Variants in MRRF observed in about 807,000 individuals in gnomAD.
The protein encoded by MRRF is mitochondrial ribosome recycling factor.
A neutral mutation model predicts 25.1 loss-of-function variants in MRRF; 18 were observed. The observed-to-expected ratio is 0.72, with a 90% CI of 0.50 to 1.06. The LOEUF is 1.06. Among genes scored for constraint, MRRF ranks in the 50% least tolerant of loss-of-function variants. The probability of loss-of-function intolerance (pLI) is 0.00; values close to 1 mark genes in which losing one functional copy is unlikely to be tolerated. For missense variants in MRRF, 323 were observed against 319.3 expected, an observed-to-expected ratio of 1.01 and a Z score of -0.09; for synonymous variants, 113 against 112.1, an observed-to-expected ratio of 1.01 and a Z score of -0.05.
At chr9:122,305,410 CAAAAAA>C (rs371802454) in intron 5 of MRRF, among the ~76,000 whole-genome samples, 5 of 65,756 alleles carry the variant, frequency 7.6e-5, no homozygotes, top group African/African-American at 2.9e-4. Context: ...AGACTCATCT[CAAAAAA>C]AAAAAAAAAA....
intron 4 of MRRF, chr9:122,285,549 T>C: frequency 2.2e-6 from 1 of 453,460 alleles, no homozygotes; most frequent in East Asian, 5.2e-5. Context: ...ATGCAGTGAT[T>C]GGTGCTTGGC....
intron 5 of MRRF, among the ~76,000 whole-genome samples, chr9:122,292,106 T>C (rs1181923486): frequency 6.6e-6 from 1 of 152,088 alleles, no homozygotes; most frequent in Non-Finnish European, 1.5e-5. Context: ...GTAGGACAAA[T>C]AAATAAAGTC....
At chr9:122,275,632 G>A (rs1832728006) in intron 2 of MRRF, among the ~76,000 whole-genome samples, 1 of 152,018 alleles carries the variant, frequency 6.6e-6, no homozygotes, top group Non-Finnish European at 1.5e-5. Flanking sequence ...GTGAGGCCCT[G>A]TCTAAAATAC....
chr9:122,322,573 C>T lies in MRRF; in HGVS notation c.745C>T (p.Leu249=), dbSNP rs373717918. Residue 249 remains leucine, a synonymous_variant, in exon 7 of 7, where the codon CTG becomes TTG. Coordinates refer to ENST00000344641, the MANE Select transcript of MRRF (RefSeq NM_138777.5). ...AATGGCCGATGACACAGTGGCAGAA[C>T]TGGACAGGCATCTGGCAGTGAAGAC... The part of the protein sequence containing the change: ...SQMADDTVAE[L]DRHLAVKTKE... 3 of 1,614,172 alleles carry T rather than the reference C, an allele frequency of 1.9e-6. No homozygotes were observed. Among genetic ancestry groups the T allele is most frequent in the Non-Finnish European group, 2.5e-6 (3 of 1,180,040 alleles).
At chr9:122,278,819 G>A (rs1832927697) in intron 2 of MRRF, among the ~76,000 whole-genome samples, 1 of 151,804 alleles carries the variant, frequency 6.6e-6, no homozygotes, top group Non-Finnish European at 1.5e-5. Flanking sequence ...GTCACAACAT[G>A]TCTAGGTGTG....
intron 1 of MRRF, among the ~76,000 whole-genome samples, chr9:122,267,069 CAAAA>C (rs755642170): frequency 2.6e-5 from 2 of 77,502 alleles, no homozygotes; most frequent in South Asian, 4.0e-4. Context: ...GACTCCGTCT[CAAAA>C]AAAAAAAAAA....
chr9:122,277,755 T>C (rs1407741470), intron 2 of MRRF, among the ~76,000 whole-genome samples: 1 of 152,204 alleles, frequency 6.6e-6, no homozygotes, highest in Non-Finnish European at 1.5e-5. Context: ...TTTTGCCTTG[T>C]TGGCTAGGCT....
intron 4 of MRRF, chr9:122,285,823 C>T: frequency 7.8e-7 from 1 of 1,282,002 alleles, no homozygotes; most frequent in East Asian, 5.6e-5. Context: ...CCAAATGTGG[C>T]CTGAGGGCCA....
At position 122,329,483 on chromosome 9, in the gene MRRF, G is replaced by A. The variant is rs1836225484; in HGVS notation, c.*6866G>A. The A allele has an allele frequency of 1.3e-5, 2 of 152,088 alleles. No individual in the cohort carries two copies. Among genetic ancestry groups the A allele is most frequent in the Admixed American group, 1.3e-4 (2 of 15,254 alleles). The allele number at this position is 152,088 out of a possible 1,614,324, so 9.4% of individuals were successfully genotyped here. ...GATGCCTCTCCTGATCCCTAAACCTGCCTATGCCTATTAAGCGCTTGGATT... is the reference window on the plus strand; with the variant it reads ...GATGCCTCTCCTGATCCCTAAACCTACCTATGCCTATTAAGCGCTTGGATT... On this transcript the variant is annotated 3_prime_UTR_variant, in exon 7 of 7. Coordinates refer to ENST00000344641, the MANE Select transcript of MRRF (RefSeq NM_138777.5).
At chr9:122,293,636 A>G (rs540180718) in intron 5 of MRRF, among the ~76,000 whole-genome samples, 1 of 152,318 alleles carries the variant, frequency 6.6e-6, no homozygotes, top group African/African-American at 2.4e-5. Flanking sequence ...AAGCAGATAG[A>G]CCTAGGTTCA....
intron 1 of MRRF, among the ~76,000 whole-genome samples, chr9:122,268,371 T>A (rs1332324300): frequency 6.6e-6 from 1 of 152,372 alleles, no homozygotes; most frequent in East Asian, 1.9e-4. Context: ...GAAACCTGTC[T>A]TAAATGGAGC....
intron 4 of MRRF, chr9:122,285,870 C>T (rs1447008177): frequency 1.6e-5 from 21 of 1,284,242 alleles, no homozygotes; most frequent in Non-Finnish European, 2.0e-5. Context: ...TTGGAGCAGA[C>T]CCTCCAGGAA....
intron 4 of MRRF, among the ~76,000 whole-genome samples, chr9:122,289,332 G>C (rs567349299): frequency 1.3e-5 from 2 of 152,138 alleles, no homozygotes; most frequent in Non-Finnish European, 2.9e-5. Context: ...CATGTACCTG[G>C]CACTCTAACT....
At chr9:122,268,893 C>T (rs1422936819) in intron 1 of MRRF, among the ~76,000 whole-genome samples, 2 of 152,090 alleles carry the variant, frequency 1.3e-5, no homozygotes, top group African/African-American at 2.4e-5. Context: ...AGGCCGGGTG[C>T]GGTGGCTCAC....
rs1836174400 is a variant in MRRF, at chr9:122,327,517, G to A, written c.*4900G>A. On this transcript the variant is annotated 3_prime_UTR_variant, in exon 7 of 7. Coordinates refer to ENST00000344641, the MANE Select transcript of MRRF (RefSeq NM_138777.5). ...ATTTTGGGGGTACAAATTTTGATAT[G>A]TATGCAGGAAATGTAGCTTATAGAG... 1 of 152,172 alleles carries A rather than the reference G, an allele frequency of 6.6e-6. No individual in the cohort carries two copies. Among genetic ancestry groups the A allele is most frequent in the Non-Finnish European group, 1.5e-5 (1 of 68,014 alleles). The allele number at this position is 152,172 out of a possible 1,614,324, so 9.4% of individuals were successfully genotyped here.
intron 4 of MRRF, chr9:122,285,969 A>G (rs1485265011): frequency 1.6e-5 from 21 of 1,303,886 alleles, no homozygotes; most frequent in South Asian, 2.5e-5. Flanking sequence ...AGGTCATTGC[A>G]TCTTTGAAGC....
At chr9:122,316,821 T>TA (rs71508157) in intron 6 of MRRF, among the ~76,000 whole-genome samples, 3,527 of 137,936 alleles carry the variant, frequency 0.026, 58 homozygotes, top group Non-Finnish European at 0.035. Flanking sequence ...TCCTTTTTTC[T>TA]AAAAAAAAAA....
chr9:122,266,753 T>A (rs1832117736), intron 1 of MRRF, among the ~76,000 whole-genome samples: 1 of 152,218 alleles, frequency 6.6e-6, no homozygotes, highest in Admixed American at 6.5e-5. Context: ...GGAAATCGTT[T>A]GAGACCCTCA....
chr9:122,322,786 T>C lies in MRRF; in HGVS notation c.*169T>C. 1.4e-6 allele frequency: 1 copy of C among 703,634 alleles called. No homozygotes were observed. The highest frequency in any genetic ancestry group is 2.7e-5 in the East Asian group (1 of 36,892). The allele number at this position is 703,634 out of a possible 1,614,324, so 43.6% of individuals were successfully genotyped here. On this transcript the variant is annotated 3_prime_UTR_variant, in exon 7 of 7. Transcript: ENST00000344641. ...CCAGGGGAACACTCAGACATGTTCA[T>C]TCTCTTCCTGCTTCTGCTCTGGGCC...
Sources: allele counts gnomAD v4.1 joint callset (sites outside exome capture counted in the v4.1 genomes callset), GRCh38; gene constraint gnomAD v4.1.1; transcripts MANE v1.5; gene names NCBI Gene and HGNC (gene_info 2026-07-23, HGNC 2026-07-21).